The following UNC13C variants were observed in gnomAD, a reference collection of about 807,000 sequenced individuals.
The protein encoded by UNC13C is protein unc-13 homolog C.
UNC13C carries 174 observed loss-of-function variants against 245.4 expected under a neutral mutation model. The ratio of observed to expected loss-of-function variants is 0.71; its 90% CI spans 0.63 to 0.80. The LOEUF is 0.80. Among genes scored for constraint, UNC13C ranks in the 30% least tolerant of loss-of-function variants. The probability of loss-of-function intolerance (pLI) is 0.00; values close to 1 mark genes in which losing one functional copy is unlikely to be tolerated. For synonymous variants in UNC13C, 992 were observed against 895.1 expected (o/e 1.11, Z -1.93); for missense variants, 2,829 against 2,602.9 (o/e 1.09, Z -1.89).
At chr15:54,610,140 C>CA (rs1285855403) in intron 30 of UNC13C, among the ~76,000 whole-genome samples, 1 of 152,070 alleles carries the variant, frequency 6.6e-6, no homozygotes, top group Non-Finnish European at 1.5e-5. Context: ...ATCTTATATA[C>CA]AAAAGAGTTC....
the UNC13C span, among the ~76,000 whole-genome samples, chr15:53,942,043 C>T: frequency 6.6e-6 from 1 of 152,130 alleles, no homozygotes; most frequent in African/African-American, 2.4e-5. Flanking sequence ...ACCCAGCAAT[C>T]CCGTTACTGG....
At chr15:54,441,527 C>T (rs978465616) in intron 19 of UNC13C, among the ~76,000 whole-genome samples, 2 of 151,958 alleles carry the variant, frequency 1.3e-5, no homozygotes, top group Non-Finnish European at 2.9e-5. Flanking sequence ...TTTTAGGGTT[C>T]TCTATTGTGT....
Position 54,628,459 on chromosome 15 carries a change from C to CTGAG in UNC13C, c.*1348_*1351dup, listed in dbSNP as rs1901335311. The CTGAG allele has an allele frequency of 6.6e-6, 1 of 152,584 alleles. No homozygotes were observed. The highest frequency in any genetic ancestry group is 1.5e-5 in the Non-Finnish European group (1 of 68,022). 9.5% of individuals were successfully genotyped at this position (152,584 alleles called of 1,614,324 possible). A position where few individuals can be genotyped will look rare whatever the true frequency, so the allele number is the denominator to read the frequency against. On this transcript the variant is annotated 3_prime_UTR_variant, in exon 33 of 33. Transcript: ENST00000260323. ...CATGACTGTCAGAACCATTCTGCAA[C>CTGAG]TGAGTATGAAATCACAGACCAGTGA... is the stretch of plus-strand genomic sequence containing the variant.
At chr15:54,238,578 G>T (rs1167753269) in intron 7 of UNC13C, among the ~76,000 whole-genome samples, 1 of 152,132 alleles carries the variant, frequency 6.6e-6, no homozygotes, top group Non-Finnish European at 1.5e-5. Flanking sequence ...TTAACATTCA[G>T]CATAGCTTAG....
chr15:54,036,732 G>C (rs962685499), intron 2 of UNC13C, among the ~76,000 whole-genome samples: 1 of 152,158 alleles, frequency 6.6e-6, no homozygotes, highest in Non-Finnish European at 1.5e-5. Flanking sequence ...ACCTTCATCT[G>C]TCATTCCTGT....
At chr15:53,916,068 G>C in the UNC13C span, among the ~76,000 whole-genome samples, 1 of 152,056 alleles carries the variant, frequency 6.6e-6, no homozygotes, top group East Asian at 1.9e-4. Context: ...GTAAAATAAG[G>C]GTTTAAAACT....
chr15:54,304,350 G>C (rs1268839183), intron 13 of UNC13C, among the ~76,000 whole-genome samples: 2 of 152,082 alleles, frequency 1.3e-5, no homozygotes, highest in Non-Finnish European at 2.9e-5. Flanking sequence ...TTACACTTCA[G>C]TGACAATAAT....
At chr15:54,099,779 C>T (rs566538927) in intron 2 of UNC13C, among the ~76,000 whole-genome samples, 16 of 152,126 alleles carry the variant, frequency 1.1e-4, no homozygotes, top group South Asian at 2.1e-4. Context: ...AGTAGAAGTG[C>T]GCTTCAATAT....
chr15:53,892,544 T>C, the UNC13C span, among the ~76,000 whole-genome samples: 1 of 152,194 alleles, frequency 6.6e-6, no homozygotes, highest in Non-Finnish European at 1.5e-5. Context: ...TTTCACATAG[T>C]CCCATGTTTC....
At chr15:54,040,693 G>C (rs1347158444) in intron 2 of UNC13C, among the ~76,000 whole-genome samples, 2 of 152,160 alleles carry the variant, frequency 1.3e-5, no homozygotes, top group Non-Finnish European at 2.9e-5. Context: ...ATAAAGGCCT[G>C]CTGGAAGTGA....
rs557325311 is a variant in UNC13C, at chr15:53,998,256, TA to T, written c.-256-14391del. Among the ~76,000 whole-genome samples, 16 of 152,342 alleles carry T rather than the reference TA, an allele frequency of 1.1e-4. No individual in the cohort carries two copies. The East Asian group carries it at 2.9e-3, about 28-fold the overall frequency. Reference sequence around the variant, plus strand: ...TATAGATCACTTTGGGGAGAACTGATATATTAACGTTGAATTTTTCAACTTA... The same window carrying T: ...TATAGATCACTTTGGGGAGAACTGATTATTAACGTTGAATTTTTCAACTTA... On this transcript the variant is annotated intron_variant, in intron 1 of 32. Transcript: ENST00000260323.
rs1899108528 is a variant in UNC13C, at chr15:54,596,819, C to G, written c.6107-25508C>G. ...TTTCTTTTGCAATGTGACACAGCTA[C>G]TTCCCCTTTGCCTTCTACCATGAAT... On this transcript the variant is annotated intron_variant, in intron 30 of 32. Transcript: ENST00000260323. 1.3e-5 allele frequency among the ~76,000 whole-genome samples: 2 copies of G among 152,144 alleles called. 1 individual carries two copies. Among genetic ancestry groups the G allele is most frequent in the South Asian group, 4.1e-4 (2 of 4,822 alleles).
At chr15:54,599,735 TACAG>T (rs1173983668) in intron 30 of UNC13C, among the ~76,000 whole-genome samples, 1 of 152,110 alleles carries the variant, frequency 6.6e-6, no homozygotes, top group East Asian at 1.9e-4. Flanking sequence ...CCTCCCCACA[TACAG>T]ACAAATTTTC....
At chr15:54,108,022 A>T (rs570178231) in intron 2 of UNC13C, among the ~76,000 whole-genome samples, 41 of 152,318 alleles carry the variant, frequency 2.7e-4, no homozygotes, top group South Asian at 1.2e-3. Context: ...AAGAGAAAAA[A>T]ACATACTTTA....
At chr15:54,400,799 G>A (rs150745418) in intron 18 of UNC13C, among the ~76,000 whole-genome samples, 55 of 152,180 alleles carry the variant, frequency 3.6e-4, no homozygotes, top group African/African-American at 1.2e-3. Flanking sequence ...TGTGCACAAC[G>A]TGCAGGTTTT....
intron 9 of UNC13C, 40 bp from the exon 10 acceptor site, chr15:54,265,315 G>A (rs1252423643): frequency 3.7e-6 from 5 of 1,355,194 alleles, no homozygotes; most frequent in Middle Eastern, 1.9e-4. Context: ...TTGTTTCTGA[G>A]GACTCTGTAT....
chr15:54,340,492 T>C (rs900102605), intron 17 of UNC13C, among the ~76,000 whole-genome samples: 1 of 152,176 alleles, frequency 6.6e-6, no homozygotes, highest in African/African-American at 2.4e-5. Context: ...CCAGTTTCAT[T>C]TTCCTACATG....
intron 17 of UNC13C, among the ~76,000 whole-genome samples, chr15:54,353,022 T>G (rs1033505232): frequency 2.0e-5 from 3 of 152,190 alleles, no homozygotes; most frequent in Non-Finnish European, 4.4e-5. Context: ...GCAGGAAGAT[T>G]AGTTTTGAGC....
At chr15:54,446,164 G>A (rs62010137) in intron 19 of UNC13C, among the ~76,000 whole-genome samples, 2 of 152,036 alleles carry the variant, frequency 1.3e-5, no homozygotes, top group African/African-American at 4.8e-5. Flanking sequence ...CTCTATTTTG[G>A]TAACAGTACC....
Sources: allele counts gnomAD v4.1 joint callset (sites outside exome capture counted in the v4.1 genomes callset), GRCh38; gene constraint gnomAD v4.1.1; transcripts MANE v1.5; gene names NCBI Gene and HGNC (gene_info 2026-07-23, HGNC 2026-07-21).